BCAT2: variants seen among roughly 807,000 people sequenced by gnomAD.
BCAT2 encodes the protein branched-chain-amino-acid aminotransferase, mitochondrial.
In BCAT2, 44 loss-of-function variants were observed where a neutral mutation model predicts 52.9. The observed-to-expected ratio is 0.83, with a 90% CI of 0.65 to 1.07. The LOEUF is 1.07. Ranked by LOEUF, BCAT2 falls within the 50% of genes least tolerant of loss-of-function variation. BCAT2 has a pLI of 0.00. For synonymous variants in BCAT2, 215 were observed against 217.1 expected (o/e 0.99, Z 0.08); for missense variants, 478 against 521.8 (o/e 0.92, Z 0.82).
Position 48,800,175 on chromosome 19 carries a change from G to A in BCAT2, c.411+12C>T, listed in dbSNP as rs528052478. 8.1e-6 allele frequency: 13 copies of A among 1,612,998 alleles called. No homozygotes were observed. The highest frequency in any genetic ancestry group is 5.3e-5 in the African/African-American group (4 of 75,056). ...GCCCTCCTCCCCACCCCGGTGGACCGGGACCCCTCACCGGCAGGCACAGGC... is the reference window on the plus strand; with the variant it reads ...GCCCTCCTCCCCACCCCGGTGGACCAGGACCCCTCACCGGCAGGCACAGGC... On this transcript the variant is annotated intron_variant, in intron 4 of 10. Transcript: ENST00000316273.
At chr19:48,801,682 G>T (rs903639564) in intron 3 of BCAT2, among the ~76,000 whole-genome samples, 1 of 152,028 alleles carries the variant, frequency 6.6e-6, no homozygotes, top group South Asian at 2.1e-4. Flanking sequence ...TCACTCTGTT[G>T]CCCAGGCTGA....
Position 48,799,697 on chromosome 19 carries a change from C to G in BCAT2, c.673G>C (p.Val225Leu). ...TACCCACCTAACTTGTAGTTGCCGACCCCGCCCACCCAGGCCCGGATGAAG... is the reference window on the plus strand; with the variant it reads ...TACCCACCTAACTTGTAGTTGCCGAGCCCGCCCACCCAGGCCCGGATGAAG... ...PAFIRAWVGG[V>L]GNYKLGGNYG... is the part of the protein sequence containing the mutation. The change falls in exon 6 of 11, where the codon GTC (valine) becomes CTC (leucine). Residue 225 changes from valine to leucine, a missense_variant. Transcript: ENST00000316273. The surrounding 1 kb of genome is among the most constrained non-coding windows in gnomAD (Gnocchi z 5.5). The G allele has an allele frequency of 6.3e-7, 1 of 1,586,916 alleles. No individual in the cohort carries two copies. Among genetic ancestry groups the G allele is most frequent in the South Asian group, 1.1e-5 (1 of 87,044 alleles).
intron 6 of BCAT2, among the ~76,000 whole-genome samples, chr19:48,798,530 C>T (rs922351770): frequency 3.3e-5 from 5 of 152,202 alleles, no homozygotes; most frequent in Non-Finnish European, 7.3e-5. Context: ...ACACATGGTT[C>T]CCAGGACTGG....
Position 48,796,051 on chromosome 19 carries a change from AG to A in BCAT2, c.1140+376del, listed in dbSNP as rs373367220. On this transcript the variant is annotated intron_variant, in intron 10 of 10. Transcript: ENST00000316273. ...TCATGGAAAGGGCCTTTCTCCCACC[AG>A]GGCACCCGGGGCAGCAGAGGATCAC... is the stretch of plus-strand genomic sequence containing the variant. 811 of 414,732 alleles carry A rather than the reference AG, an allele frequency of 2.0e-3. 7 individuals are homozygous for A. Among genetic ancestry groups the A allele is most frequent in the African/African-American group, 0.015 (718 of 49,220 alleles). The allele number at this position is 414,732 out of a possible 1,614,324, so 25.7% of individuals were successfully genotyped here. A position where few individuals can be genotyped will look rare whatever the true frequency, so the allele number is the denominator to read the frequency against.
chr19:48,807,926 C>T lies in BCAT2; in HGVS notation c.25-852G>A. ...GTCTGGCTGTGTCCAGCAGGCTGGGCCCTCTCTGGTGACCTTTGACCTCAC... is the reference window on the plus strand; with the variant it reads ...GTCTGGCTGTGTCCAGCAGGCTGGGTCCTCTCTGGTGACCTTTGACCTCAC... On this transcript the variant is annotated intron_variant, in intron 1 of 10. Transcript: ENST00000316273. The surrounding 1 kb of genome is among the most constrained non-coding windows in gnomAD (Gnocchi z 4.6). The T allele has an allele frequency of 1.0e-6, 1 of 985,840 alleles. No individual in the cohort carries two copies. The highest frequency in any genetic ancestry group is 1.2e-6 in the Non-Finnish European group (1 of 830,264). The allele number at this position is 985,840 out of a possible 1,614,324, so 61.1% of individuals were successfully genotyped here. A position where few individuals can be genotyped will look rare whatever the true frequency, so the allele number is the denominator to read the frequency against.
intron 3 of BCAT2, among the ~76,000 whole-genome samples, chr19:48,800,802 T>TC (rs1355857036): frequency 6.6e-6 from 1 of 151,658 alleles, no homozygotes; most frequent in Non-Finnish European, 1.5e-5. Flanking sequence ...GTTTTTTTTT[T>TC]CTGGAGACTC....
rs1180231798 is a variant in BCAT2, at chr19:48,799,132, C to T, written c.695+543G>A. The T allele has an allele frequency of 1.3e-5, 2 of 152,496 alleles. No homozygotes were observed. The highest frequency in any genetic ancestry group is 4.8e-5 in the African/African-American group (2 of 41,460). 9.4% of individuals were successfully genotyped at this position (152,496 alleles called of 1,614,324 possible). A position where few individuals can be genotyped will look rare whatever the true frequency, so the allele number is the denominator to read the frequency against. ...TGTGGCTGAAAGGACCTGAATGCAC[C>T]CCCAGCTGGGGCCACATTCCTGTCC... On this transcript the variant is annotated intron_variant, in intron 6 of 10. Transcript: ENST00000316273. This position sits in a 1 kb window ranked among gnomAD's most constrained non-coding sequence, Gnocchi z 5.5.
rs1028921256 is a variant in BCAT2 at position 48,803,254 on chromosome 19, C to T, written c.301-2957G>A. ...CCCGGATACACCGGATATAGTGGCTCATGCCTGCAATCCCAGGACTTTGGG... is the reference window on the plus strand; with the variant it reads ...CCCGGATACACCGGATATAGTGGCTTATGCCTGCAATCCCAGGACTTTGGG... On this transcript the variant is annotated intron_variant, in intron 3 of 10. Transcript: ENST00000316273. Among the ~76,000 whole-genome samples, 8 of 151,960 alleles carry T rather than the reference C, an allele frequency of 5.3e-5. No homozygotes were observed. In the East Asian group the frequency reaches 1.2e-3, roughly 22 times the overall value.
intron 6 of BCAT2, among the ~76,000 whole-genome samples, chr19:48,797,960 G>C (rs2034568290): frequency 6.6e-6 from 1 of 150,998 alleles, no homozygotes; most frequent in Non-Finnish European, 1.5e-5. Context: ...GGAGTAACTG[G>C]GGCATGCAGC....
Position 48,800,277 on chromosome 19 carries a change from C to G in BCAT2, c.321G>C (p.Ala107=). ...GCACCTGCTGGTCTTTGCCTTTGAA[C>G]GCCTTCATGCCCTCAAACAGCTGCG... ...YSLQLFEGMK[A]FKGKDQQVRL... The change falls in exon 4 of 11, where the codon GCG becomes GCC. Residue 107 remains alanine (A), a synonymous_variant. Coordinates refer to ENST00000316273, the MANE Select transcript of BCAT2 (RefSeq NM_001190.4). 2 of 1,613,698 alleles carry G rather than the reference C, an allele frequency of 1.2e-6. No homozygotes were observed. Among genetic ancestry groups the G allele is most frequent in the Non-Finnish European group, 1.7e-6 (2 of 1,180,034 alleles).
intron 3 of BCAT2, 59 bp from the exon 4 acceptor site, chr19:48,800,356 C>A: frequency 1.4e-6 from 2 of 1,448,392 alleles, no homozygotes; most frequent in Non-Finnish European, 1.9e-6. Context: ...ATGAGAGACA[C>A]CAAGACAGAC....
At position 48,800,247 on chromosome 19, in the gene BCAT2, G is replaced by C. The variant is rs936549017; in HGVS notation, c.351C>G (p.Leu117=). Residue 117 remains leucine, a synonymous_variant, in exon 4 of 11, where the codon CTC becomes CTG. Transcript: ENST00000316273. ...GGTCCATGTTGAGCCAGGGGCGGAAGAGGCGCACCTGCTGGTCTTTGCCTT... is the reference window on the plus strand; with the variant it reads ...GGTCCATGTTGAGCCAGGGGCGGAACAGGCGCACCTGCTGGTCTTTGCCTT... ...AFKGKDQQVR[L]FRPWLNMDRM... is the part of the protein sequence containing the mutation. 2.5e-6 allele frequency: 4 copies of C among 1,613,814 alleles called. No homozygotes were observed. Among genetic ancestry groups the C allele is most frequent in the Non-Finnish European group, 2.5e-6 (3 of 1,180,034 alleles).
rs369301424 is a variant in BCAT2, at chr19:48,796,408, C to T, written c.1140+20G>A. On this transcript the variant is annotated intron_variant, in intron 10 of 10. Coordinates refer to ENST00000316273, the MANE Select transcript of BCAT2 (RefSeq NM_001190.4). Reference sequence around the variant, plus strand: ...CAGGGAACAAGCTCCCAGCCCATTCCCCAGCTCCCTGCAGCTCACCTGGAT... The same window carrying T: ...CAGGGAACAAGCTCCCAGCCCATTCTCCAGCTCCCTGCAGCTCACCTGGAT... 5.8e-5 allele frequency: 94 copies of T among 1,614,008 alleles called. No homozygotes were observed. The highest frequency in any genetic ancestry group is 2.0e-5 in the Non-Finnish European group (24 of 1,180,012).
chr19:48,806,509 C>CA lies in BCAT2; in HGVS notation c.300+7dup. The CA allele has an allele frequency of 6.2e-7, 1 of 1,613,704 alleles. No individual in the cohort carries two copies. Among genetic ancestry groups the CA allele is most frequent in the Non-Finnish European group, 8.5e-7 (1 of 1,179,978 alleles). On this transcript the variant is annotated splice_region_variant and intron_variant, in intron 3 of 10. Coordinates refer to ENST00000316273, the MANE Select transcript of BCAT2 (RefSeq NM_001190.4). ...AGGGACAGGGAGAGAGGCCGGCCGC[C>CA]ATGCCACCTGCAGGGAGTAGTGGAG...
At chr19:48,803,693 G>A (rs550531995) in intron 3 of BCAT2, among the ~76,000 whole-genome samples, 1 of 152,180 alleles carries the variant, frequency 6.6e-6, no homozygotes, top group Non-Finnish European at 1.5e-5. Context: ...ATTATTTAAA[G>A]ATAATAAATA....
chr19:48,808,455 T>G, intron 1 of BCAT2: 1 of 195,266 alleles, frequency 5.1e-6, no homozygotes, highest in Non-Finnish European at 9.0e-6. Context: ...GATGCCAAAA[T>G]AGATCTAATC....
rs1359228535 is a variant in BCAT2 at position 48,799,558 on chromosome 19, T to C, written c.695+117A>G. 25 of 1,316,504 alleles carry C rather than the reference T, an allele frequency of 1.9e-5. No individual in the cohort carries two copies. The South Asian group carries it at 4.0e-4, about 21-fold the overall frequency. The allele number at this position is 1,316,504 out of a possible 1,614,324, so 81.6% of individuals were successfully genotyped here. A position where few individuals can be genotyped will look rare whatever the true frequency, so the allele number is the denominator to read the frequency against. ...TCACTTAGCACTGAGCCCTGCACGG[T>C]GCTGATGATGTCACCTTCATGTGAC... On this transcript the variant is annotated intron_variant, in intron 6 of 10. Coordinates refer to ENST00000316273, the MANE Select transcript of BCAT2 (RefSeq NM_001190.4). The surrounding 1 kb of genome is among the most constrained non-coding windows in gnomAD (Gnocchi z 5.5).
rs1370313449 is a variant in BCAT2, at chr19:48,799,811, G to A, written c.559C>T (p.Arg187Cys). Residue 187 changes from arginine (R) to cysteine (C), a missense_variant, in exon 6 of 11, where the codon CGC becomes TGC. Transcript: ENST00000316273. The surrounding 1 kb of genome is among the most constrained non-coding windows in gnomAD (Gnocchi z 5.5). ...CAGAGAATGACGAACAGGAGCGCGC[G>A]CGTGGGCTGGCTGACACCCAGCGAG... is the stretch of plus-strand genomic sequence containing the variant. ...EPSLGVSQPTRALLFVILCPV... is the reference protein window; with the variant it reads ...EPSLGVSQPTCALLFVILCPV... 2.6e-6 allele frequency: 4 copies of A among 1,558,478 alleles called. No homozygotes were observed. The highest frequency in any genetic ancestry group is 2.7e-5 in the African/African-American group (2 of 73,606).
Position 48,799,807 on chromosome 19 carries a change from G to A in BCAT2, c.563C>T (p.Ala188Val), listed in dbSNP as rs1207843246. Residue 188 changes from alanine to valine, a missense_variant, in exon 6 of 11, where the codon GCG becomes GTG. Coordinates refer to ENST00000316273, the MANE Select transcript of BCAT2 (RefSeq NM_001190.4). This position sits in a 1 kb window ranked among gnomAD's most constrained non-coding sequence, Gnocchi z 5.5. ...TGGGCAGAGAATGACGAACAGGAGC[G>A]CGCGCGTGGGCTGGCTGACACCCAG... Reference protein sequence around the residue: ...PSLGVSQPTRALLFVILCPVG... With the variant: ...PSLGVSQPTRVLLFVILCPVG... The A allele has an allele frequency of 1.1e-5, 17 of 1,558,884 alleles. No individual in the cohort carries two copies. Among genetic ancestry groups the A allele is most frequent in the African/African-American group, 1.4e-5 (1 of 73,768 alleles).
Sources: gnomAD v4.1 joint callset for allele counts (sites outside exome capture counted in the v4.1 genomes callset) on GRCh38, gnomAD v4.1.1 for gene constraint, Gnocchi (gnomAD v3.1) non-coding constraint, MANE v1.5 for transcripts, NCBI Gene and HGNC (gene_info 2026-07-23, HGNC 2026-07-21) for gene names.